The following ADAMTS9 variants were observed in gnomAD, a reference collection of about 807,000 sequenced individuals.
ADAMTS9 encodes A disintegrin and metalloproteinase with thrombospondin motifs 9.
Under a neutral mutation model 257.1 loss-of-function variants are expected in ADAMTS9, and 107 were observed. The ratio of observed to expected loss-of-function variants is 0.42; its 90% CI spans 0.36 to 0.49. ADAMTS9 has a LOEUF of 0.49. Ranked by LOEUF, ADAMTS9 falls within the 20% of genes least tolerant of loss-of-function variation. ADAMTS9 has a pLI of 0.03. For missense variants in ADAMTS9, 2,353 were observed against 2,469.1 expected (o/e 0.95, Z 1.00); for synonymous variants, 982 against 880.9 (o/e 1.11, Z -2.03).
At chr3:64,678,079 A>G (rs769748008) in intron 3 of ADAMTS9, among the ~76,000 whole-genome samples, 2 of 151,976 alleles carry the variant, frequency 1.3e-5, no homozygotes, top group Non-Finnish European at 1.5e-5. Context: ...CCCTGCTCCT[A>G]CTCCCATGAT....
At chr3:64,623,522 C>T (rs934378464) in intron 16 of ADAMTS9, among the ~76,000 whole-genome samples, 2 of 152,166 alleles carry the variant, frequency 1.3e-5, no homozygotes, top group African/African-American at 2.4e-5. Flanking sequence ...CAGAAACACC[C>T]GTATATGCTG....
rs540915870 is a variant in ADAMTS9, at chr3:64,609,573, C to T, written c.3355-2494G>A. On this transcript the variant is annotated intron_variant, in intron 22 of 39. Coordinates refer to ENST00000498707, the MANE Select transcript of ADAMTS9 (RefSeq NM_182920.2). ...TGAAATACCTAGGAACAAGCTTAAA[C>T]AAGGAGGTAAAGGCTTTCTACACTA... 2.6e-5 allele frequency among the ~76,000 whole-genome samples: 4 copies of T among 151,858 alleles called. No individual in the cohort carries two copies. The East Asian group carries it at 7.7e-4, about 29-fold the overall frequency.
At chr3:64,558,048 A>C (rs964303296) in intron 30 of ADAMTS9, among the ~76,000 whole-genome samples, 1 of 152,188 alleles carries the variant, frequency 6.6e-6, no homozygotes, top group Non-Finnish European at 1.5e-5. Context: ...AGCTAACTAG[A>C]TCAAGAATCT....
chr3:64,594,587 C>T (rs968241210), intron 27 of ADAMTS9, among the ~76,000 whole-genome samples, 153 bp from the exon 28 acceptor site: 14 of 152,148 alleles, frequency 9.2e-5, no homozygotes, highest in Admixed American at 2.0e-4. Flanking sequence ...AATAGTGATA[C>T]GTAAAACAGA....
intron 8 of ADAMTS9, among the ~76,000 whole-genome samples, chr3:64,653,306 G>A (rs1476956555): frequency 6.6e-6 from 1 of 152,228 alleles, no homozygotes; most frequent in African/African-American, 2.4e-5. Flanking sequence ...TGCTGACTAA[G>A]CAGGTTGGGC....
intron 8 of ADAMTS9, among the ~76,000 whole-genome samples, chr3:64,652,913 C>A (rs897619675): frequency 6.6e-6 from 1 of 152,298 alleles, no homozygotes; most frequent in Middle Eastern, 3.4e-3. Context: ...GTAACACAAA[C>A]TTTGTTTCAT....
chr3:64,555,823 C>T (rs995971988), intron 30 of ADAMTS9, among the ~76,000 whole-genome samples: 1 of 151,914 alleles, frequency 6.6e-6, no homozygotes, highest in African/African-American at 2.4e-5. Flanking sequence ...GGTGGAGAAG[C>T]GGGGGAGCAG....
At chr3:64,643,154 C>T (rs1700698617) in intron 11 of ADAMTS9, among the ~76,000 whole-genome samples, 1 of 152,102 alleles carries the variant, frequency 6.6e-6, no homozygotes, top group Admixed American at 6.5e-5. Context: ...GAAATGCGCA[C>T]TGAGGCAGTG....
intron 39 of ADAMTS9, among the ~76,000 whole-genome samples, chr3:64,521,913 C>A (rs914689821): frequency 6.6e-6 from 1 of 152,168 alleles, no homozygotes; most frequent in Non-Finnish European, 1.5e-5. Context: ...ACATGTACCT[C>A]CTGAATCTAA....
chr3:64,556,189 C>A (rs1336554041), intron 30 of ADAMTS9, among the ~76,000 whole-genome samples: 1 of 152,156 alleles, frequency 6.6e-6, no homozygotes, highest in Non-Finnish European at 1.5e-5. Context: ...CCATACCGCA[C>A]CAAACAGCAG....
At position 64,679,097 on chromosome 3, in the gene ADAMTS9, T is replaced by C. The variant is rs775046919; in HGVS notation, c.679+2104A>G. On this transcript the variant is annotated intron_variant, in intron 3 of 39. Transcript: ENST00000498707. ...TATTTTATTTTTTTTAACTAACGCATCTTCATTGTCTTCGAGCCTGACATT... is the reference window on the plus strand; with the variant it reads ...TATTTTATTTTTTTTAACTAACGCACCTTCATTGTCTTCGAGCCTGACATT... Among the ~76,000 whole-genome samples the C allele has an allele frequency of 5.1e-4, 77 of 152,310 alleles. 1 individual carries two copies. Among genetic ancestry groups the C allele is most frequent in the Middle Eastern group, 3.4e-3 (1 of 294 alleles).
At chr3:64,522,801 C>A (rs919309071) in intron 38 of ADAMTS9, among the ~76,000 whole-genome samples, 3 of 151,832 alleles carry the variant, frequency 2.0e-5, no homozygotes, top group Admixed American at 6.6e-5. Context: ...TATGACAAAT[C>A]AAGAAAAGAA....
intron 30 of ADAMTS9, among the ~76,000 whole-genome samples, chr3:64,555,079 A>T (rs1224106931): frequency 2.0e-5 from 3 of 152,148 alleles, no homozygotes; most frequent in Admixed American, 6.5e-5. Flanking sequence ...TGGATGAAAG[A>T]CCTTGTCTTC....
At position 64,602,180 on chromosome 3, in the gene ADAMTS9, G is replaced by A. The variant is rs1352258060; in HGVS notation, c.3781C>T (p.Arg1261Trp). ...CTGTAGTTGACACACATCACTTGCC[G>A]GGTTGCCCTACCTTGCCCACAGGTC... is the stretch of plus-strand genomic sequence containing the variant. ...SVTCGQGRAT[R>W]QVMCVNYSDH... The change falls in exon 26 of 40, where the codon CGG becomes TGG. Residue 1261 changes from arginine to tryptophan, a missense_variant. This residue lies in a region of ADAMTS9 where 1,402 missense variants were observed against 1,441.4 expected (regional missense o/e 0.97). Coordinates refer to ENST00000498707, the MANE Select transcript of ADAMTS9 (RefSeq NM_182920.2). 12 of 1,613,836 alleles carry A rather than the reference G, an allele frequency of 7.4e-6. No individual in the cohort carries two copies. Among genetic ancestry groups the A allele is most frequent in the African/African-American group, 1.3e-5 (1 of 74,878 alleles).
chr3:64,541,778 A>G (rs564322447), intron 33 of ADAMTS9, 60 bp downstream of exon 33: 2 of 1,599,354 alleles, frequency 1.3e-6, no homozygotes, highest in African/African-American at 1.3e-5. Context: ...AGGCAATCAA[A>G]TGAACAAAGA....
chr3:64,555,465 T>C (rs7627977), intron 30 of ADAMTS9, among the ~76,000 whole-genome samples: 85,152 of 151,932 alleles, frequency 0.56, 24,911 homozygotes, highest in African/African-American at 0.7. Flanking sequence ...TCGTACCCTG[T>C]CTCTCTCCCT....
At chr3:64,533,746 A>G (rs569017787) in intron 37 of ADAMTS9, among the ~76,000 whole-genome samples, 14 of 152,326 alleles carry the variant, frequency 9.2e-5, no homozygotes, top group African/African-American at 3.4e-4. Flanking sequence ...ACCGCGTACT[A>G]AGCACAGCAG....
At chr3:64,580,555 T>A (rs2083973053) in intron 28 of ADAMTS9, among the ~76,000 whole-genome samples, 1 of 152,168 alleles carries the variant, frequency 6.6e-6, no homozygotes, top group South Asian at 2.1e-4. Context: ...ATGTACTAAT[T>A]CTCATCATTT....
At chr3:64,675,567 T>C (rs959604777) in intron 3 of ADAMTS9, among the ~76,000 whole-genome samples, 4 of 152,124 alleles carry the variant, frequency 2.6e-5, no homozygotes, top group African/African-American at 9.7e-5. Context: ...TATAGTAAGC[T>C]ATGATCGCGC....
Sources: allele counts gnomAD v4.1 joint callset (sites outside exome capture counted in the v4.1 genomes callset), GRCh38; gene constraint gnomAD v4.1.1; regional missense constraint gnomAD v4.1.1; transcripts MANE v1.5; gene names NCBI Gene and HGNC (gene_info 2026-07-23, HGNC 2026-07-21).